The following PLEKHG1 variants were observed in gnomAD, a reference collection of about 807,000 sequenced individuals.
The protein encoded by PLEKHG1 is pleckstrin homology domain-containing family G member 1.
In PLEKHG1, 44 loss-of-function variants were observed where a neutral mutation model predicts 100.8. The ratio of observed to expected loss-of-function variants is 0.44; its 90% confidence interval spans 0.34 to 0.56. PLEKHG1 has a LOEUF of 0.56. Ranked by LOEUF, PLEKHG1 falls within the 20% of genes least tolerant of loss-of-function variation. The pLI, the probability that PLEKHG1 is intolerant of heterozygous loss-of-function variation, is 0.01. For missense variants in PLEKHG1, 1,545 were observed against 1,720.9 expected, an observed-to-expected ratio of 0.90 and a Z score of 1.81; for synonymous variants, 640 against 662.5, an observed-to-expected ratio of 0.97 and a Z score of 0.52.
At chr6:150,747,071 G>A (rs1010450196) in intron 2 of PLEKHG1, among the ~76,000 whole-genome samples, 5 of 152,318 alleles carry the variant, frequency 3.3e-5, no homozygotes, top group East Asian at 1.9e-4. Context: ...TGCAAAGACC[G>A]CCTGTAGGCA....
intron 3 of PLEKHG1, among the ~76,000 whole-genome samples, chr6:150,665,112 A>G (rs946054166): frequency 2.0e-5 from 3 of 152,116 alleles, no homozygotes; most frequent in African/African-American, 7.2e-5. Flanking sequence ...GAACACATTT[A>G]TCCTTATGCA....
rs149616441 is a variant in PLEKHG1 at position 150,628,226 on chromosome 6, G to C, written c.-203-9854G>C. 3.6e-3 allele frequency among the ~76,000 whole-genome samples: 554 copies of C among 152,242 alleles called. 4 individuals are homozygous for C. Among genetic ancestry groups the C allele is most frequent in the African/African-American group, 0.013 (521 of 41,532 alleles). ...CAATGAAGCAATGATTTAAGCATGT[G>C]AACTCCCACTTCCAGAGCTTTGAAA... On this transcript the variant is annotated intron_variant, in intron 1 of 3. Coordinates refer to the PLEKHG1 transcript ENST00000367326.
chr6:150,623,665 G>A (rs1475066722), intron 1 of PLEKHG1, among the ~76,000 whole-genome samples: 1 of 152,204 alleles, frequency 6.6e-6, no homozygotes, highest in Admixed American at 6.5e-5. Flanking sequence ...TACAATTGTG[G>A]TGCTCTTTTT....
chr6:150,619,690 A>G (rs1232971813), intron 1 of PLEKHG1, among the ~76,000 whole-genome samples: 1 of 152,218 alleles, frequency 6.6e-6, no homozygotes, highest in Non-Finnish European at 1.5e-5. Context: ...GTACAGGGGT[A>G]AAGAAAATAA....
intron 2 of PLEKHG1, among the ~76,000 whole-genome samples, chr6:150,734,355 C>T (rs149628873): frequency 6.6e-6 from 1 of 152,268 alleles, no homozygotes; most frequent in East Asian, 1.9e-4. Context: ...TTAATAAATC[C>T]TACACCCCAG....
chr6:150,772,456 C>T (rs1357733833), intron 3 of PLEKHG1, among the ~76,000 whole-genome samples: 2 of 151,996 alleles, frequency 1.3e-5, no homozygotes, highest in African/African-American at 2.4e-5. Flanking sequence ...CCCATCTCTA[C>T]AAAAAATCAA....
intron 3 of PLEKHG1, chr6:150,663,982 C>T (rs77481433): frequency 2.4e-4 from 37 of 152,314 alleles, no homozygotes; most frequent in African/African-American, 8.9e-4. Context: ...GCAACTCTTA[C>T]TCAAATTTGG....
Position 150,814,696 on chromosome 6 carries a change from A to G in PLEKHG1, c.1279-3487A>G, listed in dbSNP as rs112995353. 1.4e-3 allele frequency among the ~76,000 whole-genome samples: 220 copies of G among 152,292 alleles called. 2 individuals carry two copies. Among genetic ancestry groups the G allele is most frequent in the African/African-American group, 4.9e-3 (204 of 41,564 alleles). On this transcript the variant is annotated intron_variant, in intron 10 of 15. Transcript: ENST00000358517. ...TAACCACATTATTCCCACTGGCAAT[A>G]AAAACACCTTTTTTTGTTTTGTTTT...
At chr6:150,772,780 A>G (rs373017682) in intron 3 of PLEKHG1, among the ~76,000 whole-genome samples, 4 of 152,284 alleles carry the variant, frequency 2.6e-5, no homozygotes, top group East Asian at 1.9e-4. Context: ...TATTTTGCCA[A>G]TTGCGTTAAG....
chr6:150,672,130 A>T (rs1213738008), intron 3 of PLEKHG1, among the ~76,000 whole-genome samples: 1 of 152,122 alleles, frequency 6.6e-6, no homozygotes, highest in Non-Finnish European at 1.5e-5. Flanking sequence ...ATTCTCCAGG[A>T]CACAAAAAAA....
At chr6:150,662,948 T>G (rs1342307373) in intron 3 of PLEKHG1, 2 of 152,172 alleles carry the variant, frequency 1.3e-5, no homozygotes, top group Non-Finnish European at 2.9e-5. Flanking sequence ...CTGAAGAACT[T>G]TAAAGCACTT....
At chr6:150,832,920 T>C (rs918158251) in intron 15 of PLEKHG1, among the ~76,000 whole-genome samples, 4 of 151,806 alleles carry the variant, frequency 2.6e-5, no homozygotes, top group African/African-American at 9.7e-5. Flanking sequence ...CAAGCAATCC[T>C]CTTGCCTCAG....
chr6:150,691,047 A>G (rs1332822397), intron 3 of PLEKHG1, among the ~76,000 whole-genome samples: 1 of 152,216 alleles, frequency 6.6e-6, no homozygotes, highest in East Asian at 1.9e-4. Context: ...CGGTTGTCCT[A>G]CACAGAGTTG....
chr6:150,693,581 G>C (rs1450292366), intron 3 of PLEKHG1, among the ~76,000 whole-genome samples: 2 of 152,178 alleles, frequency 1.3e-5, no homozygotes, highest in African/African-American at 4.8e-5. Flanking sequence ...CAGCTCCGTG[G>C]TTCAGGCTAA....
intron 2 of PLEKHG1, among the ~76,000 whole-genome samples, chr6:150,737,764 C>T (rs1782649327): frequency 1.3e-5 from 2 of 152,006 alleles, no homozygotes; most frequent in Admixed American, 6.6e-5. Context: ...TATGATAAAA[C>T]TTTTACCCTG....
intron 2 of PLEKHG1, among the ~76,000 whole-genome samples, chr6:150,760,963 G>A (rs1562494721): frequency 6.6e-6 from 1 of 151,978 alleles, no homozygotes; most frequent in Admixed American, 6.6e-5. Flanking sequence ...ACTGATTTTA[G>A]TGTTATGTTT....
Position 150,831,896 on chromosome 6 carries a change from A to T in PLEKHG1, c.2785A>T (p.Met929Leu). Residue 929 changes from methionine (M) to leucine (L), a missense_variant, in exon 15 of 16, where the codon ATG (methionine) becomes TTG (leucine). Physicochemically the swap from Met to Leu is conservative, Grantham distance 15. Coordinates refer to ENST00000358517, the Ensembl canonical transcript of PLEKHG1. The surrounding 1 kb of genome is among the most constrained non-coding windows in gnomAD (Gnocchi z 4.1). ...CCTGATTTCTAAAGAAGGCTCCTTT[A>T]TGAGCCTTAACCGGCTTTCTCTGGC... 1 of 1,614,104 alleles carries T rather than the reference A, an allele frequency of 6.2e-7. No homozygotes were observed. The highest frequency in any genetic ancestry group is 8.5e-7 in the Non-Finnish European group (1 of 1,179,958).
At chr6:150,751,019 C>T (rs919122711) in intron 2 of PLEKHG1, among the ~76,000 whole-genome samples, 8 of 152,048 alleles carry the variant, frequency 5.3e-5, no homozygotes, top group Admixed American at 1.3e-4. Context: ...CAATGTTGAG[C>T]ACAATGCTAG....
At chr6:150,614,065 G>A (rs1776960522) in intron 1 of PLEKHG1, among the ~76,000 whole-genome samples, 1 of 152,202 alleles carries the variant, frequency 6.6e-6, no homozygotes, top group South Asian at 2.1e-4. Context: ...GTTGTATTTG[G>A]AAAGTTATTT....
Sources: allele counts gnomAD v4.1 joint callset (sites outside exome capture counted in the v4.1 genomes callset), GRCh38; gene constraint gnomAD v4.1.1; non-coding constraint Gnocchi (gnomAD v3.1); transcripts MANE v1.5; gene names NCBI Gene and HGNC (gene_info 2026-07-23, HGNC 2026-07-21).